The following DCAF8L2 variants were observed in gnomAD, a reference collection of about 807,000 sequenced individuals.
DCAF8L2 encodes DDB1- and CUL4-associated factor 8-like protein 2.
For missense variants in DCAF8L2, 430 were observed against 490.7 expected (o/e 0.88, Z 1.17); for synonymous variants, 200 against 190.9 (o/e 1.05, Z -0.39).
chrX:27,533,222 GAA>G, the DCAF8L2 span, among the ~76,000 whole-genome samples: 131 of 46,849 alleles, frequency 2.8e-3, no homozygotes, highest in African/African-American at 7.2e-3. Context: ...AAGAAAGAAA[GAA>G]AGAAAGAAAG....
chrX:27,616,022 A>C (rs1038365215), intron 1 of DCAF8L2, among the ~76,000 whole-genome samples: 15 of 111,190 alleles, frequency 1.3e-4, no homozygotes, highest in Non-Finnish European at 2.5e-4. Flanking sequence ...AAGACATTTA[A>C]ATTTTTTTCA....
chrX:27,533,214 GAA>G, the DCAF8L2 span, among the ~76,000 whole-genome samples: 660 of 50,241 alleles, frequency 0.013, 30 homozygotes, highest in African/African-American at 0.031. Context: ...AAGAAAGAAA[GAA>G]AGAAAGAAAG....
At chrX:27,742,526 G>A (rs1328135274) in intron 4 of DCAF8L2, among the ~76,000 whole-genome samples, 2 of 107,317 alleles carry the variant, frequency 1.9e-5, no homozygotes, top group Non-Finnish European at 3.8e-5. Context: ...CCCAGATCAC[G>A]CCACTGCACT....
intron 4 of DCAF8L2, among the ~76,000 whole-genome samples, chrX:27,727,144 C>T (rs1292513593): frequency 3.6e-5 from 4 of 111,914 alleles, no homozygotes; most frequent in African/African-American, 1.3e-4. Context: ...GGTTAATAAA[C>T]AGGTTGAGCA....
intron 1 of DCAF8L2, among the ~76,000 whole-genome samples, chrX:27,603,435 C>G (rs1926739301): frequency 1.8e-5 from 2 of 111,553 alleles, no homozygotes; most frequent in African/African-American, 6.5e-5. Context: ...CACTTATTCA[C>G]CTTTATTCTC....
chrX:27,673,225 G>A (rs1930013267), intron 2 of DCAF8L2, among the ~76,000 whole-genome samples: 1 of 110,332 alleles, frequency 9.1e-6, no homozygotes, highest in African/African-American at 3.3e-5. Context: ...CAAGATTTGG[G>A]GACCAAGCAC....
intron 4 of DCAF8L2, among the ~76,000 whole-genome samples, chrX:27,744,115 G>C (rs1308900613): frequency 9.9e-5 from 11 of 111,335 alleles, no homozygotes; most frequent in Non-Finnish European, 1.7e-4. Flanking sequence ...CTACTTGCAT[G>C]GGGTTCACTA....
At chrX:27,694,050 T>A (rs1930806867) in intron 3 of DCAF8L2, among the ~76,000 whole-genome samples, 1 of 112,189 alleles carries the variant, frequency 8.9e-6, no homozygotes, top group Admixed American at 9.5e-5. Context: ...TGAAATCATG[T>A]CCTTAGCAGC....
intron 1 of DCAF8L2, among the ~76,000 whole-genome samples, chrX:27,627,031 T>C (rs1326285985): frequency 9.3e-6 from 1 of 107,195 alleles, no homozygotes; most frequent in Non-Finnish European, 1.9e-5. Context: ...TGATTTCTAA[T>C]TCTAGGTGGT....
At chrX:27,512,782 A>AAAAAAAAAAC in the DCAF8L2 span, among the ~76,000 whole-genome samples, 2 of 72,425 alleles carry the variant, frequency 2.8e-5, no homozygotes, top group African/African-American at 6.1e-5. Flanking sequence ...TCTTGAGCAA[A>AAAAAAAAAAC]AAAAAAAAAA....
chrX:27,694,249 C>G (rs1013520518), intron 3 of DCAF8L2, among the ~76,000 whole-genome samples: 4 of 111,276 alleles, frequency 3.6e-5, no homozygotes, highest in Non-Finnish European at 5.7e-5. Flanking sequence ...TGAAAAACCA[C>G]TTACTGCTCA....
intron 3 of DCAF8L2, among the ~76,000 whole-genome samples, chrX:27,710,864 G>A (rs192562964): frequency 8.9e-6 from 1 of 112,004 alleles, no homozygotes; most frequent in African/African-American, 3.2e-5. Context: ...TATGATGTTA[G>A]CTGTAGGATT....
intron 4 of DCAF8L2, among the ~76,000 whole-genome samples, chrX:27,736,668 T>A (rs1159077104): frequency 8.9e-6 from 1 of 112,079 alleles, no homozygotes; most frequent in Non-Finnish European, 1.9e-5. Context: ...GCAAATCCTA[T>A]CAGGTAATCC....
chrX:27,736,679 C>G (rs1235840319), intron 4 of DCAF8L2, among the ~76,000 whole-genome samples: 3 of 112,027 alleles, frequency 2.7e-5, no homozygotes, highest in Non-Finnish European at 5.6e-5. Flanking sequence ...CAGGTAATCC[C>G]TTGCCTAAAT....
intron 3 of DCAF8L2, among the ~76,000 whole-genome samples, chrX:27,706,290 T>G (rs1319698932): frequency 9.0e-6 from 1 of 111,115 alleles, no homozygotes; most frequent in Non-Finnish European, 1.9e-5. Flanking sequence ...CCTGGGCTAT[T>G]TGGGCTCCTT....
At chrX:27,567,890 T>C in the DCAF8L2 span, among the ~76,000 whole-genome samples, 6 of 110,568 alleles carry the variant, frequency 5.4e-5, no homozygotes, top group Non-Finnish European at 1.1e-4. Context: ...TCATGCTGAT[T>C]AAAGATTTAA....
chrX:27,635,223 T>C (rs1928452288), intron 2 of DCAF8L2, among the ~76,000 whole-genome samples: 1 of 111,789 alleles, frequency 8.9e-6, no homozygotes, highest in African/African-American at 3.3e-5. Context: ...TGAGTGGAGA[T>C]ACTTTTACTT....
chrX:27,616,295 A>G (rs1178034269), intron 1 of DCAF8L2, among the ~76,000 whole-genome samples: 1 of 110,863 alleles, frequency 9.0e-6, no homozygotes, highest in Admixed American at 9.7e-5. Context: ...TCCAATAGTG[A>G]ATAATCCTCT....
the DCAF8L2 span, among the ~76,000 whole-genome samples, chrX:27,505,757 A>G: frequency 6.5e-5 from 7 of 107,676 alleles, no homozygotes; most frequent in Non-Finnish European, 1.3e-4. Context: ...GGAACTGTGT[A>G]TTTTGCTGTT....
Sources: allele counts gnomAD v4.1 joint callset (sites outside exome capture counted in the v4.1 genomes callset), GRCh38; gene constraint gnomAD v4.1.1; transcripts MANE v1.5; gene names NCBI Gene and HGNC (gene_info 2026-07-23, HGNC 2026-07-21).